MOK: variants seen among roughly 807,000 people sequenced by gnomAD.
MOK encodes the protein MOK protein kinase.
In MOK, 59 loss-of-function variants were observed where a neutral mutation model predicts 54.2. The ratio of observed to expected loss-of-function variants is 1.09; its 90% CI spans 0.88 to 1.35. The LOEUF (loss-of-function observed/expected upper bound fraction) is 1.35. Ranked by LOEUF, MOK falls within the 40% of genes most tolerant of loss-of-function variation. The pLI is 0.00. For missense variants in MOK, 517 were observed against 526.2 expected (o/e 0.98, Z 0.17); for synonymous variants, 210 against 202.7 (o/e 1.04, Z -0.31).
At chr14:102,243,518 A>C (rs949906696) in intron 7 of MOK, among the ~76,000 whole-genome samples, 9 of 152,184 alleles carry the variant, frequency 5.9e-5, no homozygotes, top group African/African-American at 2.2e-4. Context: ...GGCCCTCAAA[A>C]TCACAAACTA....
chr14:102,285,596 G>C (rs1450970019), intron 1 of MOK, among the ~76,000 whole-genome samples: 2 of 152,134 alleles, frequency 1.3e-5, no homozygotes, highest in Non-Finnish European at 2.9e-5. Context: ...TACAATAATT[G>C]GAATTTACTT....
chr14:102,305,041 C>T lies in MOK; in HGVS notation c.-73G>A, dbSNP rs2072639771. The T allele has an allele frequency of 1.3e-6, 2 of 1,554,228 alleles. No individual in the cohort carries two copies. Among genetic ancestry groups the T allele is most frequent in the Admixed American group, 3.8e-5 (2 of 53,322 alleles). ...AAGAAAGAAGCAGGAAGGTTGTCCC[C>T]CTGCTTTCCACTTCCCTGAGGCGGG... On this transcript the variant is annotated 5_prime_UTR_variant, in exon 1 of 12. Transcript: ENST00000361847.
chr14:102,279,027 A>T (rs1358320491), intron 2 of MOK, among the ~76,000 whole-genome samples: 1 of 152,186 alleles, frequency 6.6e-6, no homozygotes, highest in Non-Finnish European at 1.5e-5. Flanking sequence ...AAAGAAAGAA[A>T]CAGAGGCACG....
downstream of MOK, among the ~76,000 whole-genome samples, chr14:102,228,296 T>C (rs2064332064): frequency 6.6e-6 from 1 of 152,222 alleles, no homozygotes; most frequent in African/African-American, 2.4e-5. Context: ...CCTTCAGGCC[T>C]GCCCTGTGCC....
At chr14:102,225,226 A>T (rs569541043), downstream of MOK, 21 of 179,946 alleles carry the variant, frequency 1.2e-4, no homozygotes, top group Admixed American at 3.4e-4. Context: ...ATACCTGGGT[A>T]ATTTTTTGAT....
intron 2 of MOK, among the ~76,000 whole-genome samples, chr14:102,266,307 C>CT (rs898657530): frequency 3.0e-4 from 44 of 145,622 alleles, no homozygotes; most frequent in South Asian, 8.7e-4. Flanking sequence ...CCCACCCCTC[C>CT]TTTTTTTTTT....
At chr14:102,226,125 G>A (rs866986080), downstream of MOK, 4 of 586,964 alleles carry the variant, frequency 6.8e-6, no homozygotes, top group Admixed American at 3.1e-5. This position sits in a 1 kb window ranked among gnomAD's most constrained non-coding sequence, Gnocchi z 4.8. Context: ...AGACGTGCAC[G>A]TCTGAGTGCC....
In MOK at chr14:102,232,002, C is replaced by T; in HGVS notation, c.867-181G>A. On this transcript the variant is annotated intron_variant, in intron 9 of 11. Coordinates refer to ENST00000361847, the MANE Select transcript of MOK (RefSeq NM_014226.3). The surrounding 1 kb of genome is among the most constrained non-coding windows in gnomAD (Gnocchi z 5.1). The stretch of plus-strand genomic sequence containing the variant: ...CTGTCTCAGCCTGACAGTCTCTGGG[C>T]CAGGAACAGAGCTGGCTCCATGAAT... 1 of 534,920 alleles carries T rather than the reference C, an allele frequency of 1.9e-6. No homozygotes were observed. The highest frequency in any genetic ancestry group is 3.3e-5 in the Admixed American group (1 of 29,956). The allele number at this position is 534,920 out of a possible 1,614,324, so 33.1% of individuals were successfully genotyped here. A position where few individuals can be genotyped will look rare whatever the true frequency, so the allele number is the denominator to read the frequency against.
downstream of MOK, chr14:102,225,761 G>T (rs565708662): frequency 1.5e-4 from 23 of 158,514 alleles, no homozygotes; most frequent in South Asian, 4.2e-3. Flanking sequence ...TAACTGCCTC[G>T]TAACTGTTCC....
Position 102,231,814 on chromosome 14 carries a change from CTG to C in MOK, c.872_873del (p.Thr291ArgfsTer25), listed in dbSNP as rs1567131884. 1.1e-5 allele frequency: 18 copies of C among 1,611,258 alleles called. No homozygotes were observed. The highest frequency in any genetic ancestry group is 1.5e-5 in the Non-Finnish European group (18 of 1,178,142). On this transcript the variant is annotated frameshift_variant, in exon 10 of 12. Coordinates refer to ENST00000361847, the MANE Select transcript of MOK (RefSeq NM_014226.3). LOFTEE classifies it high-confidence loss of function. The surrounding 1 kb of genome is among the most constrained non-coding windows in gnomAD (Gnocchi z 4.4). ...CTGTGGCTGCCCAGAGCCCGCTTCTCTGTTTTCCTACGGGGAAGGAGAAGAGA... is the reference window on the plus strand; with the variant it reads ...CTGTGGCTGCCCAGAGCCCGCTTCTCTTTTCCTACGGGGAAGGAGAAGAGA... ...QHPYFQEQRKTEKRALGSHRK... is the reference protein window; with the variant it reads ...QHPYFQEQRKXEKRALGSHRK...
intron 7 of MOK, among the ~76,000 whole-genome samples, chr14:102,250,286 C>T (rs1371537925): frequency 6.6e-6 from 1 of 152,100 alleles, no homozygotes; most frequent in Non-Finnish European, 1.5e-5. Context: ...AACTCAACAC[C>T]ATTCACCTCG....
At chr14:102,301,258 G>A (rs891873999) in intron 1 of MOK, among the ~76,000 whole-genome samples, 3 of 152,122 alleles carry the variant, frequency 2.0e-5, no homozygotes, top group African/African-American at 4.8e-5. Context: ...GATCTGTTAC[G>A]CAGCAATAGA....
At chr14:102,251,459 G>A (rs1019585383) in intron 6 of MOK, 2 of 485,166 alleles carry the variant, frequency 4.1e-6, no homozygotes, top group African/African-American at 3.9e-5. Flanking sequence ...CTCAAATCCT[G>A]CCTCTGCCAC....
intron 4 of MOK, among the ~76,000 whole-genome samples, chr14:102,261,867 G>T (rs1339197361): frequency 6.8e-6 from 1 of 146,060 alleles, no homozygotes; most frequent in African/African-American, 2.6e-5. Flanking sequence ...TTTTTGAGAC[G>T]GAGTCTCGCT....
chr14:102,232,818 G>C lies in MOK; in HGVS notation c.693-110C>G. On this transcript the variant is annotated intron_variant, in intron 8 of 11. Transcript: ENST00000361847. The surrounding 1 kb of genome is among the most constrained non-coding windows in gnomAD (Gnocchi z 5.1). ...TGGTGGGGAATGGTTTATGACTGCA[G>C]AGTCTACACCTGTCCCAGCCCACAG... The C allele has an allele frequency of 5.2e-6, 5 of 959,086 alleles. No individual in the cohort carries two copies. The highest frequency in any genetic ancestry group is 7.8e-6 in the Non-Finnish European group (5 of 638,842). The allele number at this position is 959,086 out of a possible 1,614,324, so 59.4% of individuals were successfully genotyped here.
chr14:102,279,158 TG>T (rs1437565159), intron 2 of MOK, among the ~76,000 whole-genome samples: 1 of 152,190 alleles, frequency 6.6e-6, no homozygotes, highest in Non-Finnish European at 1.5e-5. Flanking sequence ...CTTGTGCCAA[TG>T]TCACTGCCTC....
chr14:102,289,390 C>A (rs923600231), intron 1 of MOK, among the ~76,000 whole-genome samples: 1 of 152,174 alleles, frequency 6.6e-6, no homozygotes, highest in Non-Finnish European at 1.5e-5. Flanking sequence ...GTCTACAAAT[C>A]CCTACTGCTA....
At chr14:102,298,946 A>G (rs1403747723) in intron 1 of MOK, among the ~76,000 whole-genome samples, 1 of 152,050 alleles carries the variant, frequency 6.6e-6, no homozygotes, top group South Asian at 2.1e-4. Context: ...CTGCAGCTTC[A>G]CTCCTGAAGC....
intron 2 of MOK, among the ~76,000 whole-genome samples, chr14:102,267,417 T>C (rs1159981067): frequency 1.3e-5 from 2 of 151,834 alleles, no homozygotes; most frequent in Non-Finnish European, 2.9e-5. Flanking sequence ...AATACAAAAA[T>C]CAGCCGGGCG....
Sources: gnomAD v4.1 joint callset for allele counts (sites outside exome capture counted in the v4.1 genomes callset) on GRCh38, gnomAD v4.1.1 for gene constraint, Gnocchi (gnomAD v3.1) non-coding constraint, MANE v1.5 for transcripts, NCBI Gene and HGNC (gene_info 2026-07-23, HGNC 2026-07-21) for gene names.